FAT3: variants seen among roughly 807,000 people sequenced by gnomAD.
The protein encoded by FAT3 is FAT atypical cadherin 3, also known as protocadherin Fat 3.
FAT3 carries 95 observed loss-of-function variants against 310.2 expected under a neutral mutation model. The ratio of observed to expected loss-of-function variants is 0.31; its 90% CI spans 0.26 to 0.36. FAT3 has a LOEUF of 0.36. Ranked by LOEUF, FAT3 falls within the 10% of genes least tolerant of loss-of-function variation. FAT3 has a pLI of 1.00. For synonymous variants in FAT3, 2,314 were observed against 2,192.9 expected (o/e 1.06, Z -1.54); for missense variants, 5,408 against 5,715.6 (o/e 0.95, Z 1.74).
intron 1 of FAT3, among the ~76,000 whole-genome samples, chr11:92,243,433 G>C (rs1864748603): frequency 6.6e-6 from 1 of 151,844 alleles, no homozygotes. Context: ...CTCAGAGTTA[G>C]ATGGAAATGT....
chr11:92,745,007 T>C (rs1363207760), intron 4 of FAT3, among the ~76,000 whole-genome samples: 2 of 152,176 alleles, frequency 1.3e-5, no homozygotes, highest in Admixed American at 1.3e-4. Context: ...GTCCTTATTT[T>C]TGCATTAAGC....
At chr11:92,832,706 G>A (rs1021179441) in intron 14 of FAT3, among the ~76,000 whole-genome samples, 4 of 152,040 alleles carry the variant, frequency 2.6e-5, no homozygotes, top group African/African-American at 9.7e-5. Flanking sequence ...GATGTTGTTG[G>A]GTTTTTTAAA....
At chr11:92,416,152 G>A (rs1356185321) in intron 2 of FAT3, among the ~76,000 whole-genome samples, 1 of 146,274 alleles carries the variant, frequency 6.8e-6, no homozygotes, top group African/African-American at 2.5e-5. Flanking sequence ...GAGGTGGGCA[G>A]ATCACGAGGT....
chr11:92,279,112 C>T (rs1403169484), intron 1 of FAT3, among the ~76,000 whole-genome samples: 1 of 152,178 alleles, frequency 6.6e-6, no homozygotes, highest in African/African-American at 2.4e-5. Context: ...TTTTAAATTA[C>T]ATTACTAAAC....
At chr11:92,472,655 A>AT (rs758247805) in intron 2 of FAT3, among the ~76,000 whole-genome samples, 22 of 152,206 alleles carry the variant, frequency 1.4e-4, no homozygotes, top group Non-Finnish European at 2.6e-4. Context: ...GTACAATGGA[A>AT]TATTCTACAT....
chr11:92,414,733 G>A (rs374365765), intron 2 of FAT3, among the ~76,000 whole-genome samples: 4 of 152,164 alleles, frequency 2.6e-5, no homozygotes, highest in Non-Finnish European at 4.4e-5. Context: ...AGAATAGGCC[G>A]GGCGTGGTGG....
intron 1 of FAT3, among the ~76,000 whole-genome samples, chr11:92,288,270 T>C (rs1464099171): frequency 1.3e-5 from 2 of 152,092 alleles, no homozygotes; most frequent in Admixed American, 6.5e-5. Flanking sequence ...AGTGACATGA[T>C]GGTTGGCAGG....
intron 3 of FAT3, among the ~76,000 whole-genome samples, chr11:92,596,008 A>T (rs983936485): frequency 6.6e-6 from 1 of 152,048 alleles, no homozygotes; most frequent in Admixed American, 6.6e-5. Flanking sequence ...TTTGGAGGGG[A>T]TTGGAGTGAC....
chr11:92,522,763 A>C (rs2135354139), intron 2 of FAT3, among the ~76,000 whole-genome samples: 1 of 152,270 alleles, frequency 6.6e-6, no homozygotes, highest in South Asian at 2.1e-4. Flanking sequence ...CTTTTGATGT[A>C]AAGAGCCAAA....
rs1350248901 is a variant in FAT3, at chr11:92,354,318, A to G, written c.2206A>G (p.Lys736Glu). 6.2e-7 allele frequency: 1 copy of G among 1,613,810 alleles called. No homozygotes were observed. ...DKSFPSDVAV[K>E]EDLPVGANIL... ...GTCTTTTCCTTCTGATGTGGCTGTA[A>G]AGGAGGATCTGCCAGTTGGTGCTAA... Residue 736 changes from lysine to glutamate, a missense_variant, in exon 2 of 28, where the codon AAG becomes GAG. Physicochemically the swap from Lys to Glu is moderately conservative, Grantham distance 56. Coordinates refer to ENST00000525166, the MANE Select transcript of FAT3 (RefSeq NM_001367949.2).
At chr11:92,356,400 T>C (rs1460731992) in intron 2 of FAT3, among the ~76,000 whole-genome samples, 2 of 152,192 alleles carry the variant, frequency 1.3e-5, no homozygotes, top group Admixed American at 1.3e-4. Context: ...AGTGCTTTTT[T>C]CCCCTTAGTC....
chr11:92,354,122 A>G lies in FAT3; in HGVS notation c.2010A>G (p.Ser670=). 6.2e-7 allele frequency: 1 copy of G among 1,613,834 alleles called. No homozygotes were observed. The change falls in exon 2 of 28, where the codon TCA becomes TCG. Residue 670 remains serine (S), a synonymous_variant. Transcript: ENST00000525166. ...NLADPMSINI[S]VLHGKVSSKS... is the part of the protein sequence containing the mutation. The stretch of plus-strand genomic sequence containing the variant: ...CAGACCCCATGTCTATTAACATTTC[A>G]GTCCTACATGGGAAAGTGTCTTCAA...
At chr11:92,703,416 C>G (rs1225554261) in intron 4 of FAT3, among the ~76,000 whole-genome samples, 1 of 152,228 alleles carries the variant, frequency 6.6e-6, no homozygotes, top group Admixed American at 6.5e-5. Flanking sequence ...TTAGGCATCT[C>G]TTTCTGCCAC....
chr11:92,227,847 A>C (rs1407183951), intron 1 of FAT3, among the ~76,000 whole-genome samples: 3 of 150,294 alleles, frequency 2.0e-5, no homozygotes, highest in African/African-American at 7.4e-5. Context: ...AGACAAAGAC[A>C]AAAAAAAAGC....
At chr11:92,766,227 C>G (rs754859665) in intron 6 of FAT3, among the ~76,000 whole-genome samples, 2 of 152,122 alleles carry the variant, frequency 1.3e-5, no homozygotes, top group African/African-American at 4.8e-5. Flanking sequence ...AAATGAGTGC[C>G]GAGGACCAGG....
At chr11:92,568,815 G>A (rs1190211763) in intron 3 of FAT3, among the ~76,000 whole-genome samples, 1 of 152,136 alleles carries the variant, frequency 6.6e-6, no homozygotes, top group East Asian at 1.9e-4. Context: ...CCCCTCTGCA[G>A]TCTTCCCAGA....
Position 92,883,075 on chromosome 11 carries a change from A to G in FAT3, c.12619A>G (p.Ile4207Val), listed in dbSNP as rs976084770. ...CGCCCTGCTTAACAAGAGCAATGGC[A>G]TCCCGTTCCGGAACCTGCGCGGCAG... ...TAALLNKSNGIPFRNLRGSGD... is the reference protein window; with the variant it reads ...TAALLNKSNGVPFRNLRGSGD... The change falls in exon 24 of 28, where the codon ATC becomes GTC. Residue 4207 changes from isoleucine to valine, a missense_variant. Around this residue, in one of 5 missense-constraint regions of FAT3, gnomAD observed 649 missense variants for 666.2 expected, o/e 0.97. Transcript: ENST00000525166. This position sits in a 1 kb window ranked among gnomAD's most constrained non-coding sequence, Gnocchi z 4.2. 6.2e-7 allele frequency: 1 copy of G among 1,613,894 alleles called. No homozygotes were observed. Among genetic ancestry groups the G allele is most frequent in the Non-Finnish European group, 8.5e-7 (1 of 1,179,900 alleles).
chr11:92,651,536 C>G (rs940831022), intron 3 of FAT3, among the ~76,000 whole-genome samples: 1 of 152,214 alleles, frequency 6.6e-6, no homozygotes, highest in Non-Finnish European at 1.5e-5. Flanking sequence ...ATGGGGACAT[C>G]TGTGTCTTCT....
intron 1 of FAT3, among the ~76,000 whole-genome samples, chr11:92,229,492 G>GA (rs1555062544): frequency 2.0e-4 from 12 of 60,256 alleles, no homozygotes; most frequent in African/African-American, 5.9e-4. Flanking sequence ...GTTTTTTCGT[G>GA]TTTTTTTTTT....
Sources: allele counts gnomAD v4.1 joint callset (sites outside exome capture counted in the v4.1 genomes callset), GRCh38; gene constraint gnomAD v4.1.1; regional missense constraint gnomAD v4.1.1; non-coding constraint Gnocchi (gnomAD v3.1); transcripts MANE v1.5; gene names NCBI Gene and HGNC (gene_info 2026-07-23, HGNC 2026-07-21).